PTPRD: variants seen among roughly 807,000 people sequenced by gnomAD.
PTPRD encodes protein tyrosine phosphatase receptor type D, also known as receptor-type tyrosine-protein phosphatase delta.
Under a neutral mutation model 214.5 loss-of-function variants are expected in PTPRD, and 34 were observed. The ratio of observed to expected loss-of-function variants is 0.16; its 90% CI spans 0.12 to 0.21. The LOEUF is 0.21. PTPRD is among the 10% of genes least tolerant of loss of function. The pLI is 1.00. For missense variants in PTPRD, 2,545 were observed against 2,398.7 expected, an observed-to-expected ratio of 1.06 and a Z score of -1.27; for synonymous variants, 1,128 against 845.7, an observed-to-expected ratio of 1.33 and a Z score of -5.79.
At chr9:9,638,071 C>T (rs2095828505) in intron 7 of PTPRD, among the ~76,000 whole-genome samples, 1 of 152,146 alleles carries the variant, frequency 6.6e-6, no homozygotes, top group African/African-American at 2.4e-5. Flanking sequence ...GTCATTATCC[C>T]ATTGTCTTGA....
At chr9:8,832,052 T>C (rs2097303116) in intron 11 of PTPRD, among the ~76,000 whole-genome samples, 1 of 151,992 alleles carries the variant, frequency 6.6e-6, no homozygotes, top group Non-Finnish European at 1.5e-5. Flanking sequence ...CTGAGAGCTA[T>C]AATGTGCACT....
chr9:8,337,019 C>T (rs941018485), intron 43 of PTPRD, among the ~76,000 whole-genome samples: 1 of 152,168 alleles, frequency 6.6e-6, no homozygotes, highest in Admixed American at 6.5e-5. Flanking sequence ...ATTAGTTAAA[C>T]CACTGTGGAA....
intron 7 of PTPRD, among the ~76,000 whole-genome samples, chr9:9,658,281 T>C (rs2096559222): frequency 6.6e-6 from 1 of 152,170 alleles, no homozygotes; most frequent in Non-Finnish European, 1.5e-5. Context: ...AGGTTGTTTT[T>C]GGTGAAAATT....
At chr9:9,058,220 G>T (rs1025734729) in intron 10 of PTPRD, among the ~76,000 whole-genome samples, 1 of 152,016 alleles carries the variant, frequency 6.6e-6, no homozygotes. Flanking sequence ...GCCTATGATG[G>T]AGTCACAATT....
intron 3 of PTPRD, among the ~76,000 whole-genome samples, chr9:10,338,291 T>C (rs901946853): frequency 6.6e-6 from 1 of 151,426 alleles, no homozygotes; most frequent in Non-Finnish European, 1.5e-5. Flanking sequence ...TGCTAATGAG[T>C]AACATTCTAG....
chr9:10,159,062 G>A (rs34433755), intron 3 of PTPRD, among the ~76,000 whole-genome samples: 22,075 of 151,968 alleles, frequency 0.15, 1,888 homozygotes, highest in Admixed American at 0.25. Flanking sequence ...ACACTAATTG[G>A]AAATTGTCTT....
intron 5 of PTPRD, among the ~76,000 whole-genome samples, chr9:9,839,057 G>A (rs1209003981): frequency 6.6e-6 from 1 of 152,124 alleles, no homozygotes; most frequent in African/African-American, 2.4e-5. Flanking sequence ...TGTCAGGTTT[G>A]TCAAAGATCA....
intron 11 of PTPRD, among the ~76,000 whole-genome samples, chr9:8,953,715 G>A (rs1452447969): frequency 6.6e-6 from 1 of 151,974 alleles, no homozygotes; most frequent in Non-Finnish European, 1.5e-5. Flanking sequence ...CTTAACAGAA[G>A]ACATACAAGC....
intron 2 of PTPRD, among the ~76,000 whole-genome samples, chr9:10,393,305 T>C (rs1008779930): frequency 6.7e-6 from 1 of 150,312 alleles, no homozygotes; most frequent in Non-Finnish European, 1.5e-5. Flanking sequence ...GTGTGTGTGT[T>C]TGTGTGTGTG....
chr9:9,445,865 G>T (rs887791919), intron 8 of PTPRD, among the ~76,000 whole-genome samples: 8 of 152,090 alleles, frequency 5.3e-5, no homozygotes, highest in Admixed American at 4.6e-4. Context: ...ATATTACTTT[G>T]GGTGTCAGGA....
intron 9 of PTPRD, among the ~76,000 whole-genome samples, chr9:9,251,286 T>C (rs571894719): frequency 8.4e-4 from 128 of 152,202 alleles, no homozygotes; most frequent in African/African-American, 3.0e-3. Context: ...TAAAAGAATG[T>C]CCAACATTTC....
intron 8 of PTPRD, among the ~76,000 whole-genome samples, chr9:9,522,465 C>A (rs967547865): frequency 1.3e-5 from 2 of 152,016 alleles, no homozygotes; most frequent in Admixed American, 6.6e-5. Context: ...ATAGTAAAAA[C>A]TTGAAAGGAC....
chr9:10,525,509 T>C (rs910257712), intron 2 of PTPRD, among the ~76,000 whole-genome samples: 1 of 152,152 alleles, frequency 6.6e-6, no homozygotes, highest in African/African-American at 2.4e-5. Flanking sequence ...TAAACAACTG[T>C]AATTGATTTA....
intron 2 of PTPRD, among the ~76,000 whole-genome samples, chr9:10,442,173 TATTG>T (rs2098763764): frequency 6.6e-6 from 1 of 151,696 alleles, no homozygotes; most frequent in Admixed American, 6.6e-5. Context: ...CAGAATTTGT[TATTG>T]ATTATTCAGT....
intron 39 of PTPRD, among the ~76,000 whole-genome samples, chr9:8,351,406 C>CTTT (rs35280197): frequency 6.8e-5 from 10 of 147,258 alleles, no homozygotes; most frequent in African/African-American, 2.5e-4. Flanking sequence ...TTTTTTGTAG[C>CTTT]TTTTTTTTTT....
In PTPRD at chr9:10,202,671, G is replaced by GAGATATATATATATATATAT. The variant is rs376695815; in HGVS notation, c.-545+138291_-545+138292insATATATATATATATATATCT. ...GATGCCTACTTATAAAAATTATATG[G>GAGATATATATATATATATAT]ATATATATATATATATATATATATA... On this transcript the variant is annotated intron_variant, in intron 3 of 45. Transcript: ENST00000381196. Among the ~76,000 whole-genome samples the GAGATATATATATATATATAT allele has an allele frequency of 7.2e-4, 81 of 113,104 alleles. 1 individual carries two copies. Among genetic ancestry groups the GAGATATATATATATATATAT allele is most frequent in the African/African-American group, 2.7e-3 (76 of 28,182 alleles). The allele number at this position is 113,104 out of a possible 152,430, so 74.2% of individuals were successfully genotyped here. A position where few individuals can be genotyped will look rare whatever the true frequency, so the allele number is the denominator to read the frequency against.
chr9:8,392,746 G>C (rs1007206350), intron 36 of PTPRD, among the ~76,000 whole-genome samples: 1 of 152,148 alleles, frequency 6.6e-6, no homozygotes, highest in Non-Finnish European at 1.5e-5. Flanking sequence ...TTTCAGGTAA[G>C]TTCTCTCTCA....
At chr9:10,177,746 A>G (rs1233664038) in intron 3 of PTPRD, among the ~76,000 whole-genome samples, 1 of 151,876 alleles carries the variant, frequency 6.6e-6, no homozygotes, top group East Asian at 1.9e-4. Flanking sequence ...TTTGACCATT[A>G]TTCTTTCTTC....
In PTPRD at chr9:9,267,323, G is replaced by T. The variant is rs1371713685; in HGVS notation, c.-202-83960C>A. On this transcript the variant is annotated intron_variant, in intron 9 of 45. Coordinates refer to ENST00000381196, the MANE Select transcript of PTPRD (RefSeq NM_002839.4). ...CCTAGCATAAATGGATATGTTCCTGGAAACATACAATCCACAAACAATAAA... is the reference window on the plus strand; with the variant it reads ...CCTAGCATAAATGGATATGTTCCTGTAAACATACAATCCACAAACAATAAA... Among the ~76,000 whole-genome samples the T allele has an allele frequency of 2.0e-5, 3 of 151,118 alleles. No homozygotes were observed. The East Asian group carries it at 5.9e-4, about 30-fold the overall frequency.
Sources: gnomAD v4.1 joint callset for allele counts (sites outside exome capture counted in the v4.1 genomes callset) on GRCh38, gnomAD v4.1.1 for gene constraint, MANE v1.5 for transcripts, NCBI Gene and HGNC (gene_info 2026-07-23, HGNC 2026-07-21) for gene names.